The following TEAD1 variants were observed in gnomAD, a reference collection of about 807,000 sequenced individuals.
TEAD1 encodes TEA domain transcription factor 1.
In TEAD1, 9 loss-of-function variants were observed where a neutral mutation model predicts 54.9. The ratio of observed to expected loss-of-function variants is 0.16; its 90% CI spans 0.10 to 0.29. The LOEUF is 0.29. Ranked by LOEUF, TEAD1 falls within the 10% of genes least tolerant of loss-of-function variation. The pLI, the probability that TEAD1 is intolerant of heterozygous loss-of-function variation, is 1.00. For synonymous variants in TEAD1, 200 were observed against 187.8 expected, an observed-to-expected ratio of 1.07 and a Z score of -0.53; for missense variants, 387 against 535.9, an observed-to-expected ratio of 0.72 and a Z score of 2.74.
At chr11:12,793,895 C>G (rs1246702650) in intron 3 of TEAD1, among the ~76,000 whole-genome samples, 2 of 152,180 alleles carry the variant, frequency 1.3e-5, no homozygotes, top group African/African-American at 4.8e-5. Context: ...TGGGAGAAGT[C>G]AGAGCATGGG....
intron 2 of TEAD1, among the ~76,000 whole-genome samples, chr11:12,710,415 A>G (rs1943911557): frequency 6.6e-6 from 1 of 152,174 alleles, no homozygotes; most frequent in South Asian, 2.1e-4. Flanking sequence ...CCAGGGATAC[A>G]AGGATGAATA....
At chr11:12,743,587 T>A (rs1944688738) in intron 2 of TEAD1, among the ~76,000 whole-genome samples, 1 of 152,218 alleles carries the variant, frequency 6.6e-6, no homozygotes, top group Non-Finnish European at 1.5e-5. Flanking sequence ...AGCCCCCTGC[T>A]AGGCATCTTG....
chr11:12,743,898 A>T (rs1315933876), intron 2 of TEAD1, among the ~76,000 whole-genome samples: 1 of 152,198 alleles, frequency 6.6e-6, no homozygotes, highest in Non-Finnish European at 1.5e-5. Context: ...TACGAAGGGG[A>T]CAGAGCATTC....
At chr11:12,761,096 C>T (rs9888178) in intron 2 of TEAD1, among the ~76,000 whole-genome samples, 68,372 of 151,888 alleles carry the variant, frequency 0.45, 16,283 homozygotes, top group South Asian at 0.6. Flanking sequence ...TTGCAGTAAA[C>T]GAATAAAAAC....
At chr11:12,684,338 A>G (rs935439642) in intron 2 of TEAD1, among the ~76,000 whole-genome samples, 1 of 152,258 alleles carries the variant, frequency 6.6e-6, no homozygotes, top group Non-Finnish European at 1.5e-5. Flanking sequence ...TCATCTGTCT[A>G]AAAGAAAACC....
chr11:12,719,953 T>TTA (rs2133864079), intron 2 of TEAD1, among the ~76,000 whole-genome samples: 1 of 23,282 alleles, frequency 4.3e-5, no homozygotes, highest in East Asian at 1.5e-3. Flanking sequence ...TCTAATGTTT[T>TTA]TTTTTTTTTT....
chr11:12,835,949 G>A (rs969120262), intron 3 of TEAD1, among the ~76,000 whole-genome samples: 1 of 152,086 alleles, frequency 6.6e-6, no homozygotes, highest in African/African-American at 2.4e-5. Context: ...ATAATGTGGC[G>A]TATATTTCAA....
At chr11:12,675,021 C>T (rs1943046812) in intron 1 of TEAD1, among the ~76,000 whole-genome samples, 187 bp downstream of exon 1, 1 of 147,376 alleles carries the variant, frequency 6.8e-6, no homozygotes, top group Admixed American at 6.7e-5. Context: ...CCGAGGTGAG[C>T]GGCCGGGCGC....
intron 2 of TEAD1, among the ~76,000 whole-genome samples, chr11:12,684,478 T>C (rs1943291489): frequency 6.6e-6 from 1 of 152,208 alleles, no homozygotes; most frequent in Non-Finnish European, 1.5e-5. Context: ...TCGGCCTTCT[T>C]GTAAAACCAT....
In TEAD1 at chr11:12,674,499, CCCCGCCG is replaced by C. The variant is rs1232700072; in HGVS notation, c.-534_-528del. The C allele has an allele frequency of 6.6e-6, 1 of 151,390 alleles. No homozygotes were observed. Among genetic ancestry groups the C allele is most frequent in the Non-Finnish European group, 1.5e-5 (1 of 68,110 alleles). The allele number at this position is 151,390 out of a possible 1,614,324, so 9.4% of individuals were successfully genotyped here. On this transcript the variant is annotated 5_prime_UTR_variant, in exon 1 of 13. Coordinates refer to ENST00000527636, the MANE Select transcript of TEAD1 (RefSeq NM_021961.6). ...CGAGCCTCTGCTGCCGCCGCCGCGG[CCCCGCCG>C]CCCGCCGCGGGCGCCCACCAAGCAC...
At chr11:12,924,886 C>A (rs889834264) in intron 10 of TEAD1, 26 bp from the exon 11 acceptor site, 1 of 1,613,874 alleles carries the variant, frequency 6.2e-7, no homozygotes, top group Non-Finnish European at 8.5e-7. Context: ...AGAGAATAAC[C>A]CACACCTCCA....
intron 2 of TEAD1, among the ~76,000 whole-genome samples, chr11:12,690,067 C>T (rs1050099809): frequency 2.0e-5 from 3 of 151,568 alleles, no homozygotes; most frequent in Non-Finnish European, 4.4e-5. Flanking sequence ...AGTGAAACCC[C>T]GTCTCTACTA....
intron 2 of TEAD1, among the ~76,000 whole-genome samples, chr11:12,689,191 C>G (rs147680897): frequency 2.6e-4 from 40 of 152,298 alleles, no homozygotes; most frequent in African/African-American, 9.1e-4. Flanking sequence ...TTTAAGATCT[C>G]AGAGACTCTA....
At chr11:12,806,964 C>A (rs1337949235) in intron 3 of TEAD1, among the ~76,000 whole-genome samples, 1 of 152,100 alleles carries the variant, frequency 6.6e-6, no homozygotes, top group Non-Finnish European at 1.5e-5. Flanking sequence ...CAAAATATAA[C>A]TAGTAATAAG....
chr11:12,739,261 C>T (rs1435954693), intron 2 of TEAD1, among the ~76,000 whole-genome samples: 1 of 152,022 alleles, frequency 6.6e-6, no homozygotes, highest in African/African-American at 2.4e-5. Context: ...CTATCTCTGT[C>T]ATCTATCTAC....
At chr11:12,886,493 G>A (rs1295429191) in intron 9 of TEAD1, among the ~76,000 whole-genome samples, 1 of 152,130 alleles carries the variant, frequency 6.6e-6, no homozygotes, top group African/African-American at 2.4e-5. Context: ...CCTACTACAC[G>A]CCAGCCACTG....
At chr11:12,857,613 T>TGTGTGTGTGTGTGTGTGTG (rs1554942771) in intron 3 of TEAD1, among the ~76,000 whole-genome samples, 10 of 151,100 alleles carry the variant, frequency 6.6e-5, no homozygotes, top group African/African-American at 2.4e-4. Context: ...TGTGTGTGTG[T>TGTGTGTGTGTGTGTGTGTG]TAGAAGATCA....
chr11:12,695,248 T>C (rs1291743383), intron 2 of TEAD1, among the ~76,000 whole-genome samples: 1 of 152,254 alleles, frequency 6.6e-6, no homozygotes, highest in East Asian at 1.9e-4. Flanking sequence ...CTGAGAGTCA[T>C]AATTTCTGGC....
chr11:12,819,807 A>G (rs1200999414), intron 3 of TEAD1, among the ~76,000 whole-genome samples: 1 of 152,216 alleles, frequency 6.6e-6, no homozygotes, highest in African/African-American at 2.4e-5. Flanking sequence ...GTTTTAAACC[A>G]TTTGCAGTAA....
Sources: gnomAD v4.1 joint callset for allele counts (sites outside exome capture counted in the v4.1 genomes callset) on GRCh38, gnomAD v4.1.1 for gene constraint, MANE v1.5 for transcripts, NCBI Gene and HGNC (gene_info 2026-07-23, HGNC 2026-07-21) for gene names.